MYH10: variants seen among roughly 807,000 people sequenced by gnomAD.
MYH10 encodes myosin heavy chain 10.
A neutral mutation model predicts 257.8 loss-of-function variants in MYH10; 55 were observed. The ratio of observed to expected loss-of-function variants is 0.21; its 90% CI spans 0.17 to 0.27. The LOEUF is 0.27. Ranked by LOEUF, MYH10 falls within the 10% of genes least tolerant of loss-of-function variation. The pLI is 1.00. For synonymous variants in MYH10, 854 were observed against 921.7 expected (o/e 0.93, Z 1.33); for missense variants, 1,631 against 2,500.6 (o/e 0.65, Z 7.42).
intron 17 of MYH10, among the ~76,000 whole-genome samples, chr17:8,524,774 T>A (rs993431577): frequency 6.6e-6 from 1 of 152,214 alleles, no homozygotes; most frequent in Non-Finnish European, 1.5e-5. Context: ...CAGCCACTTC[T>A]AAAAGACAAA....
At chr17:8,623,333 C>G in intron 1 of MYH10, 56 bp from the exon 2 acceptor site, 1 of 1,441,612 alleles carries the variant, frequency 6.9e-7, no homozygotes, top group Non-Finnish European at 9.1e-7. Context: ...AGAATGTACA[C>G]GTTTTTCTTT....
In MYH10 at chr17:8,623,026, T is replaced by C. The variant is rs750752525; in HGVS notation, c.221A>G (p.Asp74Gly). 3 of 1,614,082 alleles carry C rather than the reference T, an allele frequency of 1.9e-6. No individual in the cohort carries two copies. The highest frequency in any genetic ancestry group is 1.1e-5 in the South Asian group (1 of 91,090). ...ENGKKAMVNK[D>G]DIQKMNPPKF... ...AGGTGGGTTCATCTTCTGAATATCA[T>C]CTTTGTTGACCATTGCTTTCTTTCC... Residue 74 changes from aspartate to glycine, a missense_variant, in exon 2 of 43, where the codon GAT becomes GGT. Asp to Gly is a moderately conservative substitution (Grantham distance 94, BLOSUM62 -1). Transcript: ENST00000360416.
At chr17:8,579,774 C>G (rs1002724296) in intron 4 of MYH10, among the ~76,000 whole-genome samples, 1 of 152,168 alleles carries the variant, frequency 6.6e-6, no homozygotes, top group East Asian at 1.9e-4. Flanking sequence ...ATTTTTATAT[C>G]ATCTGTATTA....
chr17:8,542,310 C>T, intron 13 of MYH10, 30 bp from the exon 14 acceptor site: 2 of 1,599,342 alleles, frequency 1.3e-6, no homozygotes, highest in South Asian at 2.2e-5. Flanking sequence ...ATTTTCCAAA[C>T]ATGGGGAGGT....
At chr17:8,624,833 T>A (rs2085609189) in intron 1 of MYH10, among the ~76,000 whole-genome samples, 1 of 151,978 alleles carries the variant, frequency 6.6e-6, no homozygotes, top group African/African-American at 2.4e-5. Context: ...GTGGGAGGAG[T>A]GCTTGAAGCC....
At chr17:8,595,631 A>G (rs2084338160) in intron 3 of MYH10, among the ~76,000 whole-genome samples, 1 of 152,010 alleles carries the variant, frequency 6.6e-6, no homozygotes, top group Admixed American at 6.6e-5. Context: ...AGTTTTCTCC[A>G]TATTGGTCAG....
At chr17:8,513,496 G>A in intron 23 of MYH10, 42 bp downstream of exon 23, 1 of 1,610,066 alleles carries the variant, frequency 6.2e-7, no homozygotes, top group Non-Finnish European at 8.5e-7. Flanking sequence ...GATCTCATAG[G>A]GATTCAGGGC....
intron 28 of MYH10, among the ~76,000 whole-genome samples, chr17:8,502,570 A>C (rs150143003): frequency 6.6e-6 from 1 of 151,918 alleles, no homozygotes; most frequent in South Asian, 2.1e-4. Flanking sequence ...CAGGCTGAAC[A>C]ACCCCATTTC....
chr17:8,542,366 T>C, intron 13 of MYH10, 86 bp from the exon 14 acceptor site: 1 of 1,211,580 alleles, frequency 8.3e-7, no homozygotes, highest in Non-Finnish European at 1.2e-6. Flanking sequence ...AAAAAAATTT[T>C]TCATTAAACA....
chr17:8,496,078 G>C (rs946959817), intron 30 of MYH10, among the ~76,000 whole-genome samples: 4 of 152,164 alleles, frequency 2.6e-5, no homozygotes, highest in Non-Finnish European at 5.9e-5. Flanking sequence ...ATTTCTTATG[G>C]TCAGATTTAA....
chr17:8,501,032 T>G, intron 28 of MYH10, 62 bp from the exon 29 acceptor site: 1 of 1,513,712 alleles, frequency 6.6e-7, no homozygotes, highest in South Asian at 1.3e-5. Context: ...ACACATTTTC[T>G]TTTTGAAAAA....
At chr17:8,542,852 C>T (rs1011133355) in intron 13 of MYH10, among the ~76,000 whole-genome samples, 1 of 152,170 alleles carries the variant, frequency 6.6e-6, no homozygotes, top group Non-Finnish European at 1.5e-5. Flanking sequence ...ACATGGAATG[C>T]GCTTAGTATG....
Position 8,518,806 on chromosome 17 carries a change from G to C in MYH10, c.2344-15C>G. 6.2e-7 allele frequency: 1 copy of C among 1,605,272 alleles called. No individual in the cohort carries two copies. The highest frequency in any genetic ancestry group is 1.1e-5 in the South Asian group (1 of 88,820). ...AAAGCCCGGATCTAAGAGAGAAAGA[G>C]TTTATTTACTTTTTTTAACTACAAG... is the stretch of plus-strand genomic sequence containing the variant. On this transcript the variant is annotated splice_polypyrimidine_tract_variant and intron_variant, in intron 20 of 42. Coordinates refer to ENST00000360416, the MANE Select transcript of MYH10 (RefSeq NM_001256012.3).
intron 17 of MYH10, 26 bp from the exon 18 acceptor site, chr17:8,521,311 A>G (rs2081647174): frequency 6.2e-7 from 1 of 1,607,118 alleles, no homozygotes; most frequent in African/African-American, 1.3e-5. Context: ...GAGAAAACAA[A>G]TATAAGCCAA....
intron 17 of MYH10, among the ~76,000 whole-genome samples, chr17:8,522,888 C>T (rs1291816149): frequency 2.6e-5 from 4 of 152,190 alleles, no homozygotes; most frequent in African/African-American, 9.7e-5. Context: ...GGTGATGTCA[C>T]AGCACCATTG....
chr17:8,608,574 G>C (rs138467651), intron 2 of MYH10, among the ~76,000 whole-genome samples: 4 of 152,208 alleles, frequency 2.6e-5, no homozygotes. Context: ...TGGGCAGCTG[G>C]AAATATTGGA....
At chr17:8,601,866 T>C (rs1052366856) in intron 3 of MYH10, among the ~76,000 whole-genome samples, 4 of 152,216 alleles carry the variant, frequency 2.6e-5, no homozygotes, top group African/African-American at 7.2e-5. Context: ...GCAAAAACTT[T>C]TGAATATTTT....
At chr17:8,578,781 G>A (rs2083594185) in intron 4 of MYH10, among the ~76,000 whole-genome samples, 1 of 151,962 alleles carries the variant, frequency 6.6e-6, no homozygotes, top group African/African-American at 2.4e-5. Context: ...CGTGATCAAA[G>A]CAAACCTAAC....
intron 2 of MYH10, among the ~76,000 whole-genome samples, chr17:8,609,421 A>G (rs1281719413): frequency 6.6e-6 from 1 of 152,150 alleles, no homozygotes; most frequent in Non-Finnish European, 1.5e-5. Context: ...TAAAATTCAC[A>G]TGCAAATTTT....
Sources: gnomAD v4.1 joint callset for allele counts (sites outside exome capture counted in the v4.1 genomes callset) on GRCh38, gnomAD v4.1.1 for gene constraint, MANE v1.5 for transcripts, NCBI Gene and HGNC (gene_info 2026-07-23, HGNC 2026-07-21) for gene names.